The following SLC2A14 variants were observed in gnomAD, a reference collection of about 807,000 sequenced individuals.
The protein encoded by SLC2A14 is solute carrier family 2, facilitated glucose transporter member 14.
SLC2A14 carries 13 observed loss-of-function variants against 43.0 expected under a neutral mutation model. The observed-to-expected ratio is 0.30, with a 90% confidence interval of 0.20 to 0.48. The LOEUF (loss-of-function observed/expected upper bound fraction) is 0.48, where lower values mean the gene tolerates loss of function less well. Ranked by LOEUF, SLC2A14 falls within the 20% of genes least tolerant of loss-of-function variation. SLC2A14 has a pLI of 0.99. For synonymous variants in SLC2A14, 190 were observed against 233.8 expected, an observed-to-expected ratio of 0.81 and a Z score of 1.71; for missense variants, 428 against 620.4, an observed-to-expected ratio of 0.69 and a Z score of 3.29.
At chr12:7,871,021 G>T in intron 1 of SLC2A14, 17 of 1,434,396 alleles carry the variant, frequency 1.2e-5, no homozygotes, top group Middle Eastern at 2.0e-4. Flanking sequence ...GGGACAGCAC[G>T]ACAAGCTGGC....
At chr12:7,861,239 A>G (rs1326549627) in intron 2 of SLC2A14, among the ~76,000 whole-genome samples, 1 of 152,134 alleles carries the variant, frequency 6.6e-6, no homozygotes, top group South Asian at 2.1e-4. Context: ...TTGGAGCAAT[A>G]GTCTTTTTTT....
intron 2 of SLC2A14, among the ~76,000 whole-genome samples, chr12:7,847,676 T>A (rs186725128): frequency 4.6e-4 from 70 of 152,282 alleles, no homozygotes; most frequent in African/African-American, 1.6e-3. Context: ...TCTTAGCCCA[T>A]CTATTCTAGC....
At chr12:7,822,259 C>T (rs1268276335) in intron 7 of SLC2A14, among the ~76,000 whole-genome samples, 4 of 152,110 alleles carry the variant, frequency 2.6e-5, no homozygotes, top group Middle Eastern at 6.8e-3. Flanking sequence ...GCACCTCGCC[C>T]TCCTTTCTCT....
intron 1 of SLC2A14, among the ~76,000 whole-genome samples, chr12:7,886,657 A>G (rs1163728140): frequency 6.6e-6 from 1 of 152,014 alleles, no homozygotes; most frequent in Non-Finnish European, 1.5e-5. Flanking sequence ...TGGTAATTGG[A>G]GAGTAACTCT....
At chr12:7,877,005 C>CTTTT (rs57906469), upstream of SLC2A14, among the ~76,000 whole-genome samples, 1 of 132,932 alleles carries the variant, frequency 7.5e-6, no homozygotes, top group East Asian at 2.1e-4. Context: ...AATTTTTTTT[C>CTTTT]TTTTTTTTTT....
At chr12:7,864,245 A>C (rs183078230) in intron 2 of SLC2A14, among the ~76,000 whole-genome samples, 1 of 152,022 alleles carries the variant, frequency 6.6e-6, no homozygotes, top group Non-Finnish European at 1.5e-5. Context: ...CACCATATAC[A>C]TGGGGCCTTT....
chr12:7,863,489 T>C (rs1944722866), intron 2 of SLC2A14: 3 of 442,480 alleles, frequency 6.8e-6, no homozygotes, highest in Non-Finnish European at 1.4e-5. Context: ...TAGCTGGGTG[T>C]GCTGGTGCAT....
upstream of SLC2A14, among the ~76,000 whole-genome samples, chr12:7,875,116 T>G (rs1434157980): frequency 7.6e-6 from 1 of 132,136 alleles, no homozygotes; most frequent in African/African-American, 2.8e-5. Flanking sequence ...AAATATTATA[T>G]TTAAATAGTT....
intron 7 of SLC2A14, among the ~76,000 whole-genome samples, chr12:7,821,667 A>G (rs1863919919): frequency 6.6e-6 from 1 of 152,088 alleles, no homozygotes; most frequent in African/African-American, 2.4e-5. Flanking sequence ...TTTTACTACA[A>G]TTTTTGTTCA....
chr12:7,821,825 C>CTT (rs71038774), intron 7 of SLC2A14, among the ~76,000 whole-genome samples: 74,890 of 126,994 alleles, frequency 0.59, 22,600 homozygotes, highest in African/African-American at 0.67. Context: ...GTATTTCTTT[C>CTT]TTTTTTTTTT....
intron 2 of SLC2A14, among the ~76,000 whole-genome samples, chr12:7,857,754 G>A (rs2120972022): frequency 6.6e-6 from 1 of 152,110 alleles, no homozygotes; most frequent in Middle Eastern, 3.4e-3. Context: ...TTGAACTCCT[G>A]GGCTCAAGCA....
At chr12:7,867,280 C>CAAAAAAAAAAAAAAAAAAAAAAAAAA (rs755003596) in intron 2 of SLC2A14, among the ~76,000 whole-genome samples, 2 of 71,150 alleles carry the variant, frequency 2.8e-5, no homozygotes. Context: ...GACTCCGTCT[C>CAAAAAAAAAAAAAAAAAAAAAAAAAA]AAAAAAAAAA....
intron 2 of SLC2A14, among the ~76,000 whole-genome samples, chr12:7,857,008 T>G (rs1944285712): frequency 6.6e-6 from 1 of 151,686 alleles, no homozygotes; most frequent in Non-Finnish European, 1.5e-5. Flanking sequence ...TCCCAGCACT[T>G]TGGGAGGCCA....
At chr12:7,871,191 G>A in intron 1 of SLC2A14, 1 of 1,258,866 alleles carries the variant, frequency 7.9e-7, no homozygotes, top group Non-Finnish European at 1.0e-6. Flanking sequence ...GCTTCAACGA[G>A]GAATCCTCAG....
intron 2 of SLC2A14, among the ~76,000 whole-genome samples, chr12:7,837,476 C>T (rs1865548121): frequency 6.6e-6 from 1 of 151,802 alleles, no homozygotes; most frequent in South Asian, 2.1e-4. Context: ...AACATCTCTA[C>T]TAAAAATACA....
At chr12:7,886,034 G>C (rs2121121920) in intron 1 of SLC2A14, among the ~76,000 whole-genome samples, 1 of 150,726 alleles carries the variant, frequency 6.6e-6, no homozygotes, top group East Asian at 1.9e-4. Flanking sequence ...GCTCAGGCTG[G>C]AGTGCAGTGG....
At chr12:7,862,316 CAT>C (rs1467533659) in intron 2 of SLC2A14, among the ~76,000 whole-genome samples, 1 of 150,008 alleles carries the variant, frequency 6.7e-6, no homozygotes, top group East Asian at 2.0e-4. Flanking sequence ...TGCGGTGGCA[CAT>C]GTCTGTAATA....
chr12:7,861,247 T>C (rs1036206918), intron 2 of SLC2A14, among the ~76,000 whole-genome samples: 3 of 152,110 alleles, frequency 2.0e-5, no homozygotes, highest in African/African-American at 7.2e-5. Flanking sequence ...ATAGTCTTTT[T>C]TTTGGTGGGG....
chr12:7,841,966 T>C (rs983905246), intron 2 of SLC2A14, among the ~76,000 whole-genome samples: 7 of 151,320 alleles, frequency 4.6e-5, no homozygotes, highest in Non-Finnish European at 7.4e-5. Context: ...GATTGCACCA[T>C]TGCACTCCAG....
Sources: allele counts gnomAD v4.1 joint callset (sites outside exome capture counted in the v4.1 genomes callset), GRCh38; gene constraint gnomAD v4.1.1; transcripts MANE v1.5; gene names NCBI Gene and HGNC (gene_info 2026-07-23, HGNC 2026-07-21).